IFNAR2: variants seen among roughly 807,000 people sequenced by gnomAD.
The protein encoded by IFNAR2 is interferon alpha/beta receptor 2.
Under a neutral mutation model 49.4 loss-of-function variants are expected in IFNAR2, and 30 were observed. The ratio of observed to expected loss-of-function variants is 0.61; its 90% CI spans 0.45 to 0.82. The LOEUF is 0.82. Among genes scored for constraint, IFNAR2 ranks in the 40% least tolerant of loss-of-function variants. The pLI is 0.00. For missense variants in IFNAR2, 600 were observed against 622.7 expected (o/e 0.96, Z 0.39); for synonymous variants, 224 against 234.5 (o/e 0.96, Z 0.41).
At chr21:33,260,493 G>A (rs1988489263) in intron 7 of IFNAR2, 104 bp from the exon 8 acceptor site, 1 of 1,083,156 alleles carries the variant, frequency 9.2e-7, no homozygotes, top group Non-Finnish European at 1.3e-6. Context: ...TCAAACCTTT[G>A]GTTTCTTGAT....
chr21:33,251,807 G>A (rs1448040784), intron 6 of IFNAR2: 1 of 981,892 alleles, frequency 1.0e-6, no homozygotes, highest in African/African-American at 1.7e-5. Flanking sequence ...AGATGGCTGG[G>A]CACAGTGGCT....
rs1451245813 is a variant in IFNAR2, at chr21:33,229,957, G to C, written c.-343G>C. On this transcript the variant is annotated 5_prime_UTR_variant, in exon 1 of 9. Transcript: ENST00000342136. ...GCTTCCGTATCGCTCCTCGTAGGCC[G>C]GGGCTCGGCGCGCGCACCCGCACTA... The C allele has an allele frequency of 1.0e-6, 1 of 983,930 alleles. No homozygotes were observed. The highest frequency in any genetic ancestry group is 1.2e-6 in the Non-Finnish European group (1 of 829,436). The allele number at this position is 983,930 out of a possible 1,614,324, so 60.9% of individuals were successfully genotyped here. A position where few individuals can be genotyped will look rare whatever the true frequency, so the allele number is the denominator to read the frequency against.
At chr21:33,238,851 A>T (rs1017131606) in intron 1 of IFNAR2, among the ~76,000 whole-genome samples, 16 of 152,170 alleles carry the variant, frequency 1.1e-4, no homozygotes, top group African/African-American at 3.9e-4. Context: ...ACGAACAGTT[A>T]ATGAGAAGGA....
chr21:33,237,449 C>T (rs1269088721), intron 1 of IFNAR2, among the ~76,000 whole-genome samples: 1 of 152,042 alleles, frequency 6.6e-6, no homozygotes, highest in East Asian at 1.9e-4. Flanking sequence ...GTGGGAGAAT[C>T]GCTTGAGCCC....
At chr21:33,253,495 G>C (rs1988004303) in intron 7 of IFNAR2, among the ~76,000 whole-genome samples, 1 of 152,138 alleles carries the variant, frequency 6.6e-6, no homozygotes, top group East Asian at 1.9e-4. Flanking sequence ...CCTCAAAGAA[G>C]CCCTTCTAAA....
chr21:33,237,078 G>GGTGATGGGGTGGGTGTGTGT, intron 1 of IFNAR2, among the ~76,000 whole-genome samples: 1 of 147,590 alleles, frequency 6.8e-6, no homozygotes, highest in East Asian at 2.0e-4. Context: ...GGGAGAATGG[G>GGTGATGGGGTGGGTGTGTGT]GTGTGTGTGT....
chr21:33,245,218 T>TA (rs1987312180), intron 4 of IFNAR2, 144 bp downstream of exon 4: 1 of 621,072 alleles, frequency 1.6e-6, no homozygotes, highest in African/African-American at 1.8e-5. Context: ...TTCAGAGCCT[T>TA]AAAAAGCCAA....
chr21:33,263,135 T>C lies in IFNAR2; in HGVS notation c.1183T>C (p.Cys395Arg). 1 of 1,614,172 alleles carries C rather than the reference T, an allele frequency of 6.2e-7. No homozygotes were observed. The change falls in exon 9 of 9, where the codon TGT becomes CGT. Residue 395 changes from cysteine to arginine, a missense_variant. Transcript: ENST00000342136. The part of the protein sequence containing the change: ...PQQLELLSGP[C>R]ERRKSPLQDP... ...GCAGTTGGAACTCTTGAGTGGGCCC[T>C]GTGAGAGGAGAAAGAGTCCACTCCA...
Position 33,236,999 on chromosome 21 carries a change from G to A in IFNAR2, c.-83-4841G>A, listed in dbSNP as rs998919837. ...CCAAGCAAGAAGAATCTGGTAATCAGGCATATGGTTCCAAGTGAAGTATAA... is the reference window on the plus strand; with the variant it reads ...CCAAGCAAGAAGAATCTGGTAATCAAGCATATGGTTCCAAGTGAAGTATAA... On this transcript the variant is annotated intron_variant, in intron 1 of 8. Coordinates refer to ENST00000342136, the MANE Select transcript of IFNAR2 (RefSeq NM_001289125.3). The A allele has an allele frequency of 2.7e-5, 14 of 520,744 alleles. No homozygotes were observed. The African/African-American group carries it at 2.7e-4, about 10-fold the overall frequency. The allele number at this position is 520,744 out of a possible 1,614,324, so 32.3% of individuals were successfully genotyped here. A position where few individuals can be genotyped will look rare whatever the true frequency, so the allele number is the denominator to read the frequency against.
chr21:33,243,241 C>G (rs1269369947), intron 2 of IFNAR2, among the ~76,000 whole-genome samples: 3 of 152,118 alleles, frequency 2.0e-5, no homozygotes, highest in Non-Finnish European at 4.4e-5. Flanking sequence ...CACCACCACA[C>G]CCAGCTAATT....
In IFNAR2 at chr21:33,230,035, C is replaced by G. The variant is rs1438768502; in HGVS notation, c.-265C>G. 97 of 985,666 alleles carry G rather than the reference C, an allele frequency of 9.8e-5. No individual in the cohort carries two copies. Among genetic ancestry groups the G allele is most frequent in the Non-Finnish European group, 1.1e-4 (94 of 830,026 alleles). 61.1% of individuals were successfully genotyped at this position (985,666 alleles called of 1,614,324 possible). ...TCCCGCCGGCGAGCCGAACAGTTCC[C>G]CGAGCGCAGCCCGCGGACCACCACC... On this transcript the variant is annotated 5_prime_UTR_variant, in exon 1 of 9. Transcript: ENST00000342136. This position sits in a 1 kb window ranked among gnomAD's most constrained non-coding sequence, Gnocchi z 5.5.
chr21:33,250,261 A>G (rs1211579506), intron 6 of IFNAR2, among the ~76,000 whole-genome samples: 1 of 152,164 alleles, frequency 6.6e-6, no homozygotes, highest in Non-Finnish European at 1.5e-5. Flanking sequence ...TGTTTCAATC[A>G]TGTCTCGTTT....
chr21:33,232,965 C>T, intron 1 of IFNAR2: 3 of 982,434 alleles, frequency 3.1e-6, no homozygotes, highest in Non-Finnish European at 3.6e-6. Context: ...ACGTGGATTG[C>T]AAGACGTCTT....
At chr21:33,262,024 A>G (rs1360122715) in intron 8 of IFNAR2, among the ~76,000 whole-genome samples, 2 of 152,118 alleles carry the variant, frequency 1.3e-5, no homozygotes, top group African/African-American at 4.8e-5. Context: ...ACCTTGAGCA[A>G]GTTTCTTAAC....
intron 8 of IFNAR2, chr21:33,262,555 T>A: frequency 1.4e-6 from 1 of 698,894 alleles, no homozygotes; most frequent in South Asian, 1.5e-5. Flanking sequence ...TTTTTTATTT[T>A]TTTAGAGGCA....
chr21:33,252,106 A>G (rs747686378), intron 6 of IFNAR2: 317 of 462,424 alleles, frequency 6.9e-4, no homozygotes, highest in Middle Eastern at 6.6e-3. Flanking sequence ...CTATCTATCT[A>G]TCTATCTATC....
chr21:33,259,177 T>A (rs1213063121), intron 7 of IFNAR2, among the ~76,000 whole-genome samples: 1 of 152,034 alleles, frequency 6.6e-6, no homozygotes, highest in East Asian at 1.9e-4. Flanking sequence ...GACAGGTTTG[T>A]CCAAGGCCAA....
intron 6 of IFNAR2, chr21:33,251,626 T>A (rs980582050): frequency 1.0e-6 from 1 of 985,314 alleles, no homozygotes; most frequent in African/African-American, 1.7e-5. Context: ...TACTGAAGGC[T>A]GTATTTGAGC....
chr21:33,261,034 C>CTTTT (rs1568895677), intron 8 of IFNAR2, among the ~76,000 whole-genome samples: 1 of 89,618 alleles, frequency 1.1e-5, no homozygotes, highest in Non-Finnish European at 2.2e-5. Flanking sequence ...TGTTTTCTTT[C>CTTTT]CTTTTTTTTT....
Sources: allele counts gnomAD v4.1 joint callset (sites outside exome capture counted in the v4.1 genomes callset), GRCh38; gene constraint gnomAD v4.1.1; non-coding constraint Gnocchi (gnomAD v3.1); transcripts MANE v1.5; gene names NCBI Gene and HGNC (gene_info 2026-07-23, HGNC 2026-07-21).